PRLR: variants seen among roughly 807,000 people sequenced by gnomAD.
PRLR encodes hPRL receptor.
PRLR carries 13 observed loss-of-function variants against 40.2 expected under a neutral mutation model. The ratio of observed to expected loss-of-function variants is 0.32; its 90% CI spans 0.21 to 0.51. The LOEUF (loss-of-function observed/expected upper bound fraction) is 0.51, where lower values mean the gene tolerates loss of function less well. Among genes scored for constraint, PRLR ranks in the 20% least tolerant of loss-of-function variants. The pLI, the probability that PRLR is intolerant of heterozygous loss-of-function variation, is 0.97. For synonymous variants in PRLR, 269 were observed against 278.7 expected, an observed-to-expected ratio of 0.97 and a Z score of 0.35; for missense variants, 656 against 747.3, an observed-to-expected ratio of 0.88 and a Z score of 1.42.
intron 1 of PRLR, among the ~76,000 whole-genome samples, chr5:35,220,191 T>C (rs553713471): frequency 6.6e-6 from 1 of 152,292 alleles, no homozygotes; most frequent in South Asian, 2.1e-4. Context: ...GTTAGGATGT[T>C]AGGCTCTCAA....
chr5:35,156,686 C>T (rs1487020619), intron 1 of PRLR, among the ~76,000 whole-genome samples: 2 of 152,146 alleles, frequency 1.3e-5, no homozygotes, highest in Non-Finnish European at 2.9e-5. Context: ...AAATGACTTC[C>T]ATGGATTGCT....
intron 1 of PRLR, among the ~76,000 whole-genome samples, chr5:35,121,560 T>G (rs372276341): frequency 1.1e-4 from 16 of 152,296 alleles, no homozygotes; most frequent in African/African-American, 3.8e-4. Context: ...AATAATTCAA[T>G]TACCTCTGAT....
At chr5:35,069,348 G>A (rs193080176) in intron 7 of PRLR, among the ~76,000 whole-genome samples, 71 of 152,282 alleles carry the variant, frequency 4.7e-4, no homozygotes, top group Admixed American at 7.8e-4. Flanking sequence ...TCTGCCTCTA[G>A]ACCCTGTGCT....
intron 1 of PRLR, among the ~76,000 whole-genome samples, chr5:35,215,445 T>C (rs1319871810): frequency 6.6e-6 from 1 of 152,234 alleles, no homozygotes; most frequent in Non-Finnish European, 1.5e-5. Context: ...AGGATGATAG[T>C]AATTACTCCC....
intron 1 of PRLR, among the ~76,000 whole-genome samples, chr5:35,136,100 T>C (rs942653397): frequency 3.5e-4 from 54 of 152,338 alleles, no homozygotes; most frequent in African/African-American, 1.2e-3. Context: ...AGGGAAATCA[T>C]ACGCAGAATG....
intron 2 of PRLR, among the ~76,000 whole-genome samples, chr5:35,095,925 C>A (rs1286095641): frequency 1.3e-5 from 2 of 152,158 alleles, no homozygotes; most frequent in Non-Finnish European, 2.9e-5. Context: ...TCCAGATATT[C>A]CCCTGCCCCT....
chr5:35,129,056 A>C (rs1340881634), intron 1 of PRLR, among the ~76,000 whole-genome samples: 2 of 152,202 alleles, frequency 1.3e-5, no homozygotes, highest in African/African-American at 4.8e-5. Context: ...AAAGGGAACC[A>C]GAGCCATTTG....
At chr5:35,183,216 C>T (rs1775338475) in intron 1 of PRLR, among the ~76,000 whole-genome samples, 1 of 152,192 alleles carries the variant, frequency 6.6e-6, no homozygotes, top group Admixed American at 6.5e-5. Flanking sequence ...TTTCACTGCT[C>T]CTAGTTTTGT....
intron 1 of PRLR, chr5:35,152,977 G>A (rs1478283290): frequency 6.6e-6 from 1 of 152,168 alleles, no homozygotes; most frequent in Non-Finnish European, 1.5e-5. Context: ...GTAAGACCTG[G>A]AATGAAATTG....
intron 6 of PRLR, among the ~76,000 whole-genome samples, chr5:35,070,675 C>G (rs1004650416): frequency 6.6e-6 from 1 of 151,448 alleles, no homozygotes; most frequent in Non-Finnish European, 1.5e-5. Flanking sequence ...GAAACCCTGT[C>G]TCTACTAAAA....
chr5:35,141,413 A>G (rs146387681), intron 1 of PRLR, among the ~76,000 whole-genome samples: 49 of 152,346 alleles, frequency 3.2e-4, no homozygotes, highest in African/African-American at 1.1e-3. Flanking sequence ...TTTAAAAGGT[A>G]GAATTTCAGA....
intron 1 of PRLR, among the ~76,000 whole-genome samples, chr5:35,129,897 T>C (rs1477917935): frequency 6.6e-6 from 1 of 152,086 alleles, no homozygotes; most frequent in East Asian, 1.9e-4. Flanking sequence ...AGAAGTGAGC[T>C]TGTGGCACAA....
chr5:35,108,693 C>T (rs1772436356), intron 2 of PRLR, among the ~76,000 whole-genome samples: 1 of 152,154 alleles, frequency 6.6e-6, no homozygotes, highest in Non-Finnish European at 1.5e-5. Context: ...GAACTACAAA[C>T]CACTGCTCCA....
chr5:35,187,235 T>C (rs2111995615), intron 1 of PRLR, among the ~76,000 whole-genome samples: 1 of 152,084 alleles, frequency 6.6e-6, no homozygotes, highest in East Asian at 1.9e-4. Flanking sequence ...ACCCCATCTT[T>C]ACTAAAAATA....
chr5:35,088,441 C>T (rs1449015206), intron 3 of PRLR, among the ~76,000 whole-genome samples: 4 of 152,148 alleles, frequency 2.6e-5, no homozygotes, highest in African/African-American at 7.2e-5. Context: ...TGAGCACACT[C>T]GGAAGCCAAT....
intron 1 of PRLR, among the ~76,000 whole-genome samples, chr5:35,133,856 A>G (rs916827991): frequency 1.3e-5 from 2 of 152,190 alleles, no homozygotes; most frequent in African/African-American, 4.8e-5. Context: ...GGCAAAACAG[A>G]CCACACTCAG....
At chr5:35,067,905 ACT>A (rs1222737992) in intron 9 of PRLR, among the ~76,000 whole-genome samples, 3 of 151,548 alleles carry the variant, frequency 2.0e-5, no homozygotes, top group Non-Finnish European at 4.4e-5. Context: ...CAAAATATTC[ACT>A]CTCTTTCTAA....
At chr5:35,118,214 A>G (rs1162598623) in intron 1 of PRLR, 92 bp from the exon 2 acceptor site, 5 of 585,508 alleles carry the variant, frequency 8.5e-6, no homozygotes, top group African/African-American at 2.0e-5. Flanking sequence ...ATGGCTGAAC[A>G]TTGGCCCCTC....
rs987001929 is a variant in PRLR, at chr5:35,059,224, GTTAA to G, written c.*5861_*5864del. ...CTTTTTAATCAGCAGCAAGCAGAAT[GTTAA>G]TTAATAGTCTAAGATGATCTGAGAG... On this transcript the variant is annotated 3_prime_UTR_variant, in exon 10 of 10. Transcript: ENST00000618457. 60 of 152,192 alleles carry G rather than the reference GTTAA, an allele frequency of 3.9e-4. No homozygotes were observed. The highest frequency in any genetic ancestry group is 1.4e-3 in the African/African-American group (59 of 41,544). The allele number at this position is 152,192 out of a possible 1,614,324, so 9.4% of individuals were successfully genotyped here.
Sources: gnomAD v4.1 joint callset for allele counts (sites outside exome capture counted in the v4.1 genomes callset) on GRCh38, gnomAD v4.1.1 for gene constraint, MANE v1.5 for transcripts, NCBI Gene and HGNC (gene_info 2026-07-23, HGNC 2026-07-21) for gene names.